The following CHAD variants were observed in gnomAD, a reference collection of about 807,000 sequenced individuals.
The protein encoded by CHAD is chondroadherin.
A neutral mutation model predicts 24.0 loss-of-function variants in CHAD; 18 were observed. The observed-to-expected ratio is 0.75, with a 90% confidence interval of 0.52 to 1.11. The LOEUF (loss-of-function observed/expected upper bound fraction) is 1.11, where lower values mean the gene tolerates loss of function less well. CHAD is among the 50% of genes most tolerant of loss of function. The pLI is 0.00. For synonymous variants in CHAD, 195 were observed against 211.6 expected, an observed-to-expected ratio of 0.92 and a Z score of 0.68; for missense variants, 440 against 467.2, an observed-to-expected ratio of 0.94 and a Z score of 0.54.
At chr17:50,466,433 G>T (rs984778608) in intron 1 of CHAD, among the ~76,000 whole-genome samples, 31 of 152,188 alleles carry the variant, frequency 2.0e-4, no homozygotes, top group Non-Finnish European at 7.3e-5. Context: ...CGGAAAAAGC[G>T]CAGTCCTTTG....
chr17:50,468,551 C>A lies in CHAD; in HGVS notation c.263G>T (p.Arg88Leu). The A allele has an allele frequency of 6.2e-7, 1 of 1,614,238 alleles. No individual in the cohort carries two copies. Among genetic ancestry groups the A allele is most frequent in the East Asian group, 2.2e-5 (1 of 44,890 alleles). Residue 88 changes from arginine (R) to leucine (L), a missense_variant, in exon 1 of 4, where the codon CGC becomes CTC. By Grantham distance (102) the Arg-to-Leu change is moderately radical. Transcript: ENST00000508540. ...VSLHLQHCQI[R>L]EVAAGAFRGL... ...GCGGAAGGCACCGGCGGCCACCTCG[C>A]GGATCTGGCAGTGCTGCAGGTGCAA...
Position 50,465,342 on chromosome 17 carries a change from A to C in CHAD, c.1036T>G (p.Cys346Gly). 1 of 1,614,060 alleles carries C rather than the reference A, an allele frequency of 6.2e-7. No individual in the cohort carries two copies. Residue 346 changes from cysteine (C) to glycine (G), a missense_variant, in exon 3 of 4, where the codon TGC becomes GGC. Physicochemically the swap from Cys to Gly is radical, Grantham distance 159. Transcript: ENST00000508540. ...TTGGACCTCTTGGTGGGGAACTTGC[A>C]GCTGCGGAAGGCGTCCGTGTCACGG... is the stretch of plus-strand genomic sequence containing the variant. ...HIRDTDAFRS[C>G]KFPTKRSKKA...
chr17:50,467,964 C>T (rs2032847530), intron 1 of CHAD, 76 bp downstream of exon 1: 2 of 1,457,218 alleles, frequency 1.4e-6, no homozygotes, highest in South Asian at 1.4e-5. Flanking sequence ...GGGATGGTGC[C>T]AGCTGTGGCC....
chr17:50,467,963 C>G, intron 1 of CHAD, 77 bp downstream of exon 1: 2 of 1,454,168 alleles, frequency 1.4e-6, no homozygotes, highest in Admixed American at 4.5e-5. Context: ...GGGGATGGTG[C>G]CAGCTGTGGC....
At chr17:50,466,235 C>T (rs766175405) in intron 1 of CHAD, among the ~76,000 whole-genome samples, 16 of 151,056 alleles carry the variant, frequency 1.1e-4, no homozygotes, top group East Asian at 1.9e-4. Flanking sequence ...TACAAGTGCC[C>T]GCCACCATGC....
intron 3 of CHAD, 102 bp from the exon 4 acceptor site, chr17:50,465,151 G>A: frequency 1.1e-6 from 1 of 919,786 alleles, no homozygotes; most frequent in Non-Finnish European, 1.6e-6. Flanking sequence ...CCTTCAACAG[G>A]GGACCCAGTC....
chr17:50,466,261 G>T (rs1178556327), intron 1 of CHAD, among the ~76,000 whole-genome samples: 1 of 137,352 alleles, frequency 7.3e-6, no homozygotes, highest in Non-Finnish European at 1.7e-5. Flanking sequence ...TAATTTTTTT[G>T]TATTTTTTTA....
Position 50,468,714 on chromosome 17 carries a change from G to C in CHAD, c.100C>G (p.Gln34Glu). 2 of 1,612,414 alleles carry C rather than the reference G, an allele frequency of 1.2e-6. No individual in the cohort carries two copies. Among genetic ancestry groups the C allele is most frequent in the South Asian group, 2.2e-5 (2 of 91,048 alleles). ...PQNCHCHSDL[Q>E]HVICDKVGLQ... ...CCCACCTTGTCGCAGATGACGTGCT[G>C]CAGGTCGCTGTGGCAGTGGCAGTTC... is the stretch of plus-strand genomic sequence containing the variant. The change falls in exon 1 of 4, where the codon CAG (glutamine) becomes GAG (glutamate). Residue 34 changes from glutamine to glutamate, a missense_variant. Gln to Glu is a conservative substitution (Grantham distance 29, BLOSUM62 2). Transcript: ENST00000508540.
intron 1 of CHAD, among the ~76,000 whole-genome samples, chr17:50,467,525 T>C (rs1377723466): frequency 1.3e-5 from 2 of 152,160 alleles, no homozygotes; most frequent in Non-Finnish European, 2.9e-5. Flanking sequence ...CTCAGGCATT[T>C]GCTTCCCCTC....
Position 50,464,769 on chromosome 17 carries a change from T to TGGGGGGGGGGG in CHAD, c.*284_*285insCCCCCCCCCCC. ...CAACCTGTTGTGGTTCTGATTGACT[T>TGGGGGGGGGGG]GGGGGGGGGGTCTCAGCAACAGCTT... On this transcript the variant is annotated 3_prime_UTR_variant, in exon 4 of 4. Coordinates refer to ENST00000508540, the MANE Select transcript of CHAD (RefSeq NM_001267.3). The TGGGGGGGGGGG allele has an allele frequency of 6.1e-6, 1 of 164,260 alleles. No individual in the cohort carries two copies. Among genetic ancestry groups the TGGGGGGGGGGG allele is most frequent in the South Asian group, 5.2e-5 (1 of 19,370 alleles). The allele number at this position is 164,260 out of a possible 1,614,324, so 10.2% of individuals were successfully genotyped here.
At position 50,466,418 on chromosome 17, in the gene CHAD, G is replaced by A. The variant is rs145562951; in HGVS notation, c.775-548C>T. Among the ~76,000 whole-genome samples the A allele has an allele frequency of 2.9e-3, 439 of 152,274 alleles. 3 individuals carry two copies. The highest frequency in any genetic ancestry group is 0.015 in the East Asian group (79 of 5,180). ...GGTGTTATTTTCAATATGCAAATGG[G>A]GAAACGGAAAAAGCGCAGTCCTTTG... is the stretch of plus-strand genomic sequence containing the variant. On this transcript the variant is annotated intron_variant, in intron 1 of 3. Transcript: ENST00000508540.
At position 50,464,747 on chromosome 17, in the gene CHAD, C is replaced by A. The variant is rs958370471; in HGVS notation, c.*307G>T. ...GGAGGGTGGCCATCCTGATGACCAA[C>A]CTGTTGTGGTTCTGATTGACTTGGG... On this transcript the variant is annotated 3_prime_UTR_variant, in exon 4 of 4. Coordinates refer to ENST00000508540, the MANE Select transcript of CHAD (RefSeq NM_001267.3). 12 of 338,986 alleles carry A rather than the reference C, an allele frequency of 3.5e-5. No individual in the cohort carries two copies. Among genetic ancestry groups the A allele is most frequent in the Admixed American group, 1.8e-4 (5 of 28,238 alleles). 21.0% of individuals were successfully genotyped at this position (338,986 alleles called of 1,614,324 possible).
Position 50,468,578 on chromosome 17 carries a change from G to T in CHAD, c.236C>A (p.Ser79Ter). 6.2e-7 allele frequency: 1 copy of T among 1,614,220 alleles called. No individual in the cohort carries two copies. Among genetic ancestry groups the T allele is most frequent in the South Asian group, 1.1e-5 (1 of 91,078 alleles). ...GATCTGGCAGTGCTGCAGGTGCAAT[G>T]ACACGAGGTTCGGCATGGCCCGGAA... ...NSFRAMPNLV[S>*]LHLQHCQIRE... The change falls in exon 1 of 4, where the codon TCA (serine) becomes TAA (stop). Residue 79 changes from serine to a stop codon, truncating the protein, a stop_gained. Coordinates refer to ENST00000508540, the MANE Select transcript of CHAD (RefSeq NM_001267.3). LOFTEE classifies it high-confidence loss of function.
Position 50,468,689 on chromosome 17 carries a change from C to T in CHAD, c.125G>A (p.Gly42Glu), listed in dbSNP as rs145832346. The T allele has an allele frequency of 4.3e-6, 7 of 1,613,658 alleles. No homozygotes were observed. In the African/African-American group the frequency reaches 6.7e-5, roughly 15 times the overall value. Residue 42 changes from glycine to glutamate, a missense_variant, in exon 1 of 4, where the codon GGG becomes GAG. Physicochemically the swap from Gly to Glu is moderately conservative, Grantham distance 98 (BLOSUM62 -2). Coordinates refer to ENST00000508540, the MANE Select transcript of CHAD (RefSeq NM_001267.3). ...TGACACCTTGGGGATCTTCTGCAGC[C>T]CCACCTTGTCGCAGATGACGTGCTG... is the stretch of plus-strand genomic sequence containing the variant. ...DLQHVICDKVGLQKIPKVSEK... is the reference protein window; with the variant it reads ...DLQHVICDKVELQKIPKVSEK...
chr17:50,465,522 G>T, intron 2 of CHAD, 83 bp from the exon 3 acceptor site: 1 of 1,535,850 alleles, frequency 6.5e-7, no homozygotes, highest in South Asian at 1.2e-5. Flanking sequence ...GGCCAGGATT[G>T]ACTTGGCCAC....
chr17:50,467,098 G>A (rs771628964), intron 1 of CHAD, among the ~76,000 whole-genome samples: 1 of 152,220 alleles, frequency 6.6e-6, no homozygotes, highest in Non-Finnish European at 1.5e-5. Flanking sequence ...CCTCCTGGCT[G>A]AAGCCCCTGT....
chr17:50,465,589 G>A, intron 2 of CHAD, 118 bp downstream of exon 2: 11 of 1,467,146 alleles, frequency 7.5e-6, no homozygotes, highest in Non-Finnish European at 1.0e-5. Context: ...AGGCTCCCAG[G>A]GTCCCATGCT....
In CHAD at chr17:50,468,833, G is replaced by A; in HGVS notation, c.-20C>T. 1.4e-6 allele frequency: 2 copies of A among 1,477,974 alleles called. No individual in the cohort carries two copies. Among genetic ancestry groups the A allele is most frequent in the Non-Finnish European group, 8.9e-7 (1 of 1,122,630 alleles). 91.6% of individuals were successfully genotyped at this position (1,477,974 alleles called of 1,614,324 possible). A position where few individuals can be genotyped will look rare whatever the true frequency, so the allele number is the denominator to read the frequency against. On this transcript the variant is annotated 5_prime_UTR_variant, in exon 1 of 4. Transcript: ENST00000508540. ...GACCATGGCTGGGACGCCTGGGGCC[G>A]GGGCTGGGGGCAGCAGCGGCGGCGG...
At chr17:50,466,091 C>CT (rs1345682475) in intron 1 of CHAD, among the ~76,000 whole-genome samples, 4,164 of 120,118 alleles carry the variant, frequency 0.035, 310 homozygotes, top group African/African-American at 0.12. Context: ...TTTTTTTTTC[C>CT]TTTTTTTTTT....
Sources: allele counts gnomAD v4.1 joint callset (sites outside exome capture counted in the v4.1 genomes callset), GRCh38; gene constraint gnomAD v4.1.1; transcripts MANE v1.5; gene names NCBI Gene and HGNC (gene_info 2026-07-23, HGNC 2026-07-21).